Variants in IMMP2L observed in about 807,000 individuals in gnomAD.
The protein encoded by IMMP2L is inner mitochondrial membrane peptidase subunit 2, also known as mitochondrial inner membrane protease subunit 2.
Under a neutral mutation model 19.3 loss-of-function variants are expected in IMMP2L, and 18 were observed. The observed-to-expected ratio is 0.93, with a 90% confidence interval of 0.64 to 1.38. The LOEUF is 1.38. Ranked by LOEUF, IMMP2L falls within the 40% of genes most tolerant of loss-of-function variation. The pLI, the probability that IMMP2L is intolerant of heterozygous loss-of-function variation, is 0.00. For missense variants in IMMP2L, 233 were observed against 218.2 expected, an observed-to-expected ratio of 1.07 and a Z score of -0.43; for synonymous variants, 76 against 73.0, an observed-to-expected ratio of 1.04 and a Z score of -0.21.
Position 110,683,789 on chromosome 7 carries a change from G to T in IMMP2L, c.409-20068C>A, listed in dbSNP as rs17157900. ...TACATTAGGAAAAGTTAAGTTAATG[G>T]AGTCATTCCAGCTTTGTATACTTTC... On this transcript the variant is annotated intron_variant, in intron 5 of 5. Coordinates refer to ENST00000405709, the MANE Select transcript of IMMP2L (RefSeq NM_032549.4). Among the ~76,000 whole-genome samples, 7 of 152,036 alleles carry T rather than the reference G, an allele frequency of 4.6e-5. No homozygotes were observed. The East Asian group carries it at 1.3e-3, about 29-fold the overall frequency.
chr7:111,172,672 G>T (rs560812630), intron 3 of IMMP2L, among the ~76,000 whole-genome samples: 2 of 151,358 alleles, frequency 1.3e-5, no homozygotes, highest in Admixed American at 1.3e-4. Flanking sequence ...CCCTCCTCAA[G>T]TAACCACTAT....
At chr7:111,233,618 C>T (rs1813958201) in intron 3 of IMMP2L, among the ~76,000 whole-genome samples, 1 of 151,860 alleles carries the variant, frequency 6.6e-6, no homozygotes, top group African/African-American at 2.4e-5. Flanking sequence ...TGCCAAAATA[C>T]GAATTTTAAA....
At chr7:110,897,302 TA>T (rs34575307) in intron 4 of IMMP2L, among the ~76,000 whole-genome samples, 18 of 152,128 alleles carry the variant, frequency 1.2e-4, no homozygotes. Flanking sequence ...AAATGATTTT[TA>T]AAAAAGACAA....
chr7:111,445,411 A>AACAT lies in IMMP2L; in HGVS notation c.239+41823_239+41826dup, dbSNP rs568084274. On this transcript the variant is annotated intron_variant, in intron 3 of 5. Transcript: ENST00000405709. ...GAAGAATGAAAAAAAAATAGACACA[A>AACAT]ACATACATACATACATACATACATA... Among the ~76,000 whole-genome samples, 774 of 152,088 alleles carry AACAT rather than the reference A, an allele frequency of 5.1e-3. 6 individuals are homozygous for AACAT. Among genetic ancestry groups the AACAT allele is most frequent in the South Asian group, 0.013 (60 of 4,800 alleles).
At chr7:111,429,645 G>A (rs963234463) in intron 3 of IMMP2L, among the ~76,000 whole-genome samples, 1 of 151,722 alleles carries the variant, frequency 6.6e-6, no homozygotes, top group African/African-American at 2.4e-5. Flanking sequence ...ACAATTTAAA[G>A]ATTCACATCT....
intron 5 of IMMP2L, among the ~76,000 whole-genome samples, chr7:110,753,662 A>C (rs926930213): frequency 6.6e-6 from 1 of 152,004 alleles, no homozygotes; most frequent in Non-Finnish European, 1.5e-5. Flanking sequence ...AAGATAGTAC[A>C]TCATGTCTGA....
rs531341240 is a variant in IMMP2L at position 111,084,886 on chromosome 7, T to G, written c.240-121321A>C. 5.9e-5 allele frequency among the ~76,000 whole-genome samples: 9 copies of G among 152,288 alleles called. No individual in the cohort carries two copies. In the South Asian group the frequency reaches 1.5e-3, roughly 25 times the overall value. ...TGTGAGGAGAACAGAGAAGGAAAGA[T>G]AGATGAGGGTTCAGGATTAAAGGGA... On this transcript the variant is annotated intron_variant, in intron 3 of 5. Transcript: ENST00000405709.
intron 3 of IMMP2L, among the ~76,000 whole-genome samples, chr7:111,256,078 T>A (rs541769942): frequency 2.0e-5 from 3 of 152,128 alleles, no homozygotes; most frequent in Non-Finnish European, 4.4e-5. Context: ...ATACATTGTA[T>A]ATTATTTCTT....
At chr7:111,395,143 C>T in intron 3 of IMMP2L, 1 of 155,182 alleles carries the variant, frequency 6.4e-6, no homozygotes, top group Non-Finnish European at 1.4e-5. Context: ...GACTGGCCAG[C>T]AGTGGTTAGG....
intron 3 of IMMP2L, among the ~76,000 whole-genome samples, chr7:111,137,634 T>G (rs1802477108): frequency 6.6e-6 from 1 of 152,216 alleles, no homozygotes. Flanking sequence ...ACTACTTCAA[T>G]GCTCTGAATG....
At chr7:110,993,754 C>T (rs1300419668) in intron 3 of IMMP2L, among the ~76,000 whole-genome samples, 6 of 152,092 alleles carry the variant, frequency 3.9e-5, no homozygotes, top group African/African-American at 1.4e-4. Flanking sequence ...TCTCTCCCTG[C>T]TCCCCTACTG....
Position 110,843,120 on chromosome 7 carries a change from C to T in IMMP2L, c.408+43473G>A, listed in dbSNP as rs536201423. On this transcript the variant is annotated intron_variant, in intron 5 of 5. Coordinates refer to ENST00000405709, the MANE Select transcript of IMMP2L (RefSeq NM_032549.4). ...CAATCTTTATGAGGAGTAACAACGA[C>T]GACAAAAAAGACAAAGAAGACAGTG... is the stretch of plus-strand genomic sequence containing the variant. 1.1e-4 allele frequency among the ~76,000 whole-genome samples: 16 copies of T among 152,038 alleles called. No individual in the cohort carries two copies. The East Asian group carries it at 1.2e-3, about 11-fold the overall frequency.
intron 3 of IMMP2L, among the ~76,000 whole-genome samples, chr7:111,357,802 C>G (rs1053883328): frequency 1.3e-5 from 2 of 151,878 alleles, no homozygotes; most frequent in East Asian, 3.9e-4. Context: ...TATATATATA[C>G]TTATCCATTT....
At chr7:111,412,352 A>G (rs968940928) in intron 3 of IMMP2L, among the ~76,000 whole-genome samples, 2 of 151,762 alleles carry the variant, frequency 1.3e-5, no homozygotes, top group Admixed American at 1.3e-4. Context: ...CAATAGCAGA[A>G]TACACATAAT....
At chr7:111,499,865 C>T (rs901704418) in intron 2 of IMMP2L, among the ~76,000 whole-genome samples, 1 of 152,166 alleles carries the variant, frequency 6.6e-6, no homozygotes. Flanking sequence ...TGGTCTACAG[C>T]TCCCAGAATG....
At position 111,509,928 on chromosome 7, in the gene IMMP2L, T is replaced by A. The variant is rs527795912; in HGVS notation, c.135+11385A>T. Reference sequence around the variant, plus strand: ...AATTTCATATGCATTTATTCCAGCATCCCTCTGAACTAGCAGGTGAGAGGA... The same window carrying A: ...AATTTCATATGCATTTATTCCAGCAACCCTCTGAACTAGCAGGTGAGAGGA... On this transcript the variant is annotated intron_variant, in intron 2 of 5. Transcript: ENST00000405709. 2.0e-5 allele frequency among the ~76,000 whole-genome samples: 3 copies of A among 152,290 alleles called. No individual in the cohort carries two copies. The South Asian group carries it at 6.2e-4, about 32-fold the overall frequency.
intron 3 of IMMP2L, among the ~76,000 whole-genome samples, chr7:111,016,483 T>C (rs1324327710): frequency 1.6e-5 from 2 of 128,952 alleles, no homozygotes; most frequent in Non-Finnish European, 3.1e-5. Flanking sequence ...GTTTATACTA[T>C]ATATTTTATA....
chr7:111,448,874 G>A (rs1328912640), intron 3 of IMMP2L, among the ~76,000 whole-genome samples: 1 of 123,396 alleles, frequency 8.1e-6, no homozygotes, highest in East Asian at 2.4e-4. Flanking sequence ...TGATAAAGGG[G>A]ATATCACCAC....
chr7:111,428,743 C>A (rs1243832918), intron 3 of IMMP2L, among the ~76,000 whole-genome samples: 5 of 151,710 alleles, frequency 3.3e-5, no homozygotes, highest in Non-Finnish European at 5.9e-5. Flanking sequence ...ACTATCTATA[C>A]CACCTTTCCA....
Sources: allele counts gnomAD v4.1 joint callset (sites outside exome capture counted in the v4.1 genomes callset), GRCh38; gene constraint gnomAD v4.1.1; transcripts MANE v1.5; gene names NCBI Gene and HGNC (gene_info 2026-07-23, HGNC 2026-07-21).